The following EVC variants were observed in gnomAD, a reference collection of about 807,000 sequenced individuals.
The protein encoded by EVC is evC complex member EVC.
Under a neutral mutation model 118.9 loss-of-function variants are expected in EVC, and 116 were observed. The observed-to-expected ratio is 0.98, with a 90% confidence interval of 0.84 to 1.14. EVC has a LOEUF of 1.14. Ranked by LOEUF, EVC falls within the 50% of genes most tolerant of loss-of-function variation. The probability of loss-of-function intolerance (pLI) is 0.00; values close to 1 mark genes in which losing one functional copy is unlikely to be tolerated. For synonymous variants in EVC, 619 were observed against 534.7 expected, an observed-to-expected ratio of 1.16 and a Z score of -2.18; for missense variants, 1,401 against 1,246.4, an observed-to-expected ratio of 1.12 and a Z score of -1.87.
rs1454991484 is a variant in EVC, at chr4:5,731,198, AG to A, written c.385-223del. Among the ~76,000 whole-genome samples, 1 of 151,758 alleles carries A rather than the reference AG, an allele frequency of 6.6e-6. No individual in the cohort carries two copies. The highest frequency in any genetic ancestry group is 2.4e-5 in the African/African-American group (1 of 41,324). ...GTTTAGGGGAAGGAACCTGGTGCAG[AG>A]GGGCTGGCCTTGTGAGGACAAGTGA... On this transcript the variant is annotated intron_variant, in intron 3 of 20. Coordinates refer to ENST00000264956, the MANE Select transcript of EVC (RefSeq NM_153717.3). This position sits in a 1 kb window ranked among gnomAD's most constrained non-coding sequence, Gnocchi z 5.6.
intron 20 of EVC, 139 bp downstream of exon 20, chr4:5,810,589 T>G: frequency 1.4e-6 from 1 of 739,200 alleles, no homozygotes; most frequent in Non-Finnish European, 2.4e-6. Context: ...ATGACAGATA[T>G]GAACGTAATT....
At chr4:5,759,763 C>T (rs1375114755) in intron 11 of EVC, among the ~76,000 whole-genome samples, 2 of 152,058 alleles carry the variant, frequency 1.3e-5, no homozygotes, top group Non-Finnish European at 2.9e-5. Flanking sequence ...ACATCTGAGA[C>T]GGGTCTCAGT....
chr4:5,740,913 G>A (rs779499737), intron 5 of EVC, among the ~76,000 whole-genome samples: 1 of 152,148 alleles, frequency 6.6e-6, no homozygotes, highest in Non-Finnish European at 1.5e-5. Flanking sequence ...TGTCAAAATG[G>A]CTAAAATAAA....
At chr4:5,796,093 A>G (rs1277666440) in intron 13 of EVC, among the ~76,000 whole-genome samples, 2 of 151,910 alleles carry the variant, frequency 1.3e-5, no homozygotes, top group Admixed American at 6.6e-5. Context: ...CAGGTGCTAA[A>G]CCCATCTCCT....
At chr4:5,826,065 C>T in the EVC span, 1 of 267,392 alleles carries the variant, frequency 3.7e-6, no homozygotes, top group South Asian at 3.9e-5. Flanking sequence ...CATATGTATA[C>T]ACATGCATAC....
chr4:5,713,957 A>G (rs1184642072), intron 1 of EVC, among the ~76,000 whole-genome samples: 2 of 152,240 alleles, frequency 1.3e-5, no homozygotes, highest in Admixed American at 1.3e-4. Flanking sequence ...TGGTGCATAC[A>G]GTGGCTTACC....
At chr4:5,758,358 A>C in intron 11 of EVC, 1 of 523,940 alleles carries the variant, frequency 1.9e-6, no homozygotes, top group Non-Finnish European at 3.4e-6. Flanking sequence ...AACTAAACGG[A>C]AGGCGATCTT....
rs1487923454 is a variant in EVC, at chr4:5,812,263, C to A, written c.*1226C>A. The A allele has an allele frequency of 6.0e-6, 1 of 167,070 alleles. No homozygotes were observed. Among genetic ancestry groups the A allele is most frequent in the Admixed American group, 6.6e-5 (1 of 15,144 alleles). The allele number at this position is 167,070 out of a possible 1,614,324, so 10.3% of individuals were successfully genotyped here. A position where few individuals can be genotyped will look rare whatever the true frequency, so the allele number is the denominator to read the frequency against. ...GAGAGAAACTTCCAGACCAGCCCCT[C>A]ACACCACAGCCAGGAGAGGCCTTTC... On this transcript the variant is annotated 3_prime_UTR_variant, in exon 21 of 21. Transcript: ENST00000264956.
intron 9 of EVC, 60 bp from the exon 10 acceptor site, chr4:5,753,725 C>A: frequency 1.9e-6 from 3 of 1,606,614 alleles, no homozygotes; most frequent in Non-Finnish European, 2.6e-6. Flanking sequence ...GCATGAGGGT[C>A]CCCACTGAAA....
chr4:5,801,816 C>T, intron 15 of EVC, 134 bp from the exon 16 acceptor site: 1 of 961,854 alleles, frequency 1.0e-6, no homozygotes, highest in Non-Finnish European at 1.6e-6. Context: ...TCTCTGCCTG[C>T]TTCCTGACCA....
At chr4:5,713,723 G>C (rs1260526877) in intron 1 of EVC, among the ~76,000 whole-genome samples, 2 of 138,418 alleles carry the variant, frequency 1.4e-5, no homozygotes, top group Admixed American at 1.5e-4. Flanking sequence ...GACCAACATA[G>C]AGAAACCCTA....
chr4:5,746,408 G>C lies in EVC; in HGVS notation c.939+1067G>C, dbSNP rs1560325232. 6.6e-6 allele frequency among the ~76,000 whole-genome samples: 1 copy of C among 152,300 alleles called. No homozygotes were observed. Among genetic ancestry groups the C allele is most frequent in the African/African-American group, 2.4e-5 (1 of 41,556 alleles). Reference sequence around the variant, plus strand: ...GGCGGCAGGTGGGGAGGAGGAGGGGGTCCAGGGTCAGTGCTGCTGAAATAA... The same window carrying C: ...GGCGGCAGGTGGGGAGGAGGAGGGGCTCCAGGGTCAGTGCTGCTGAAATAA... On this transcript the variant is annotated intron_variant, in intron 7 of 20. Transcript: ENST00000264956. This position sits in a 1 kb window ranked among gnomAD's most constrained non-coding sequence, Gnocchi z 5.8.
intron 1 of EVC, among the ~76,000 whole-genome samples, chr4:5,714,725 T>C (rs1723662263): frequency 6.6e-6 from 1 of 152,230 alleles, no homozygotes; most frequent in Non-Finnish European, 1.5e-5. Context: ...GGATCAGTTG[T>C]GGTCATGAAT....
Position 5,798,443 on chromosome 4 carries a change from C to T in EVC, c.2098-143C>T. 1.2e-6 allele frequency: 1 copy of T among 835,692 alleles called. No individual in the cohort carries two copies. The highest frequency in any genetic ancestry group is 2.0e-6 in the Non-Finnish European group (1 of 504,302). The allele number at this position is 835,692 out of a possible 1,614,324, so 51.8% of individuals were successfully genotyped here. A position where few individuals can be genotyped will look rare whatever the true frequency, so the allele number is the denominator to read the frequency against. On this transcript the variant is annotated intron_variant, in intron 14 of 20. Coordinates refer to ENST00000264956, the MANE Select transcript of EVC (RefSeq NM_153717.3). The surrounding 1 kb of genome is among the most constrained non-coding windows in gnomAD (Gnocchi z 4.1). ...CCTCATCCATTGATTTTTGCAAGCC[C>T]AGAGGCCACCTCTTTCTGCCCTTTC...
At position 5,798,442 on chromosome 4, in the gene EVC, C is replaced by T; in HGVS notation, c.2098-144C>T. On this transcript the variant is annotated intron_variant, in intron 14 of 20. Transcript: ENST00000264956. This position sits in a 1 kb window ranked among gnomAD's most constrained non-coding sequence, Gnocchi z 4.1. The stretch of plus-strand genomic sequence containing the variant: ...ACCTCATCCATTGATTTTTGCAAGC[C>T]CAGAGGCCACCTCTTTCTGCCCTTT... 2 of 831,050 alleles carry T rather than the reference C, an allele frequency of 2.4e-6. No homozygotes were observed. Among genetic ancestry groups the T allele is most frequent in the Non-Finnish European group, 4.0e-6 (2 of 500,288 alleles). The allele number at this position is 831,050 out of a possible 1,614,324, so 51.5% of individuals were successfully genotyped here.
At chr4:5,726,695 A>G (rs541837092) in intron 2 of EVC, among the ~76,000 whole-genome samples, 1 of 147,710 alleles carries the variant, frequency 6.8e-6, no homozygotes, top group African/African-American at 2.5e-5. Context: ...AGCATTAGGT[A>G]CATCTCCCGA....
intron 11 of EVC, among the ~76,000 whole-genome samples, chr4:5,773,166 C>G (rs1288312661): frequency 6.6e-6 from 1 of 152,182 alleles, no homozygotes; most frequent in East Asian, 1.9e-4. Flanking sequence ...GGATGACACA[C>G]ATATTTATCC....
intron 17 of EVC, among the ~76,000 whole-genome samples, chr4:5,805,187 C>A (rs577774867): frequency 6.6e-6 from 1 of 152,232 alleles, no homozygotes; most frequent in Admixed American, 6.5e-5. Flanking sequence ...GATTTGGGGG[C>A]AGGTTGTTTA....
downstream of EVC, among the ~76,000 whole-genome samples, chr4:5,817,893 G>C (rs541329121): frequency 6.6e-6 from 1 of 152,180 alleles, no homozygotes; most frequent in Non-Finnish European, 1.5e-5. Context: ...TTGGCTTTAC[G>C]TAGATGAAGG....
Sources: gnomAD v4.1 joint callset for allele counts (sites outside exome capture counted in the v4.1 genomes callset) on GRCh38, gnomAD v4.1.1 for gene constraint, Gnocchi (gnomAD v3.1) non-coding constraint, MANE v1.5 for transcripts, NCBI Gene and HGNC (gene_info 2026-07-23, HGNC 2026-07-21) for gene names.